The following CACNA2D1 variants were observed in gnomAD, a reference collection of about 807,000 sequenced individuals.
CACNA2D1 encodes voltage-dependent calcium channel subunit alpha-2/delta-1.
A neutral mutation model predicts 171.5 loss-of-function variants in CACNA2D1; 53 were observed. The ratio of observed to expected loss-of-function variants is 0.31; its 90% CI spans 0.25 to 0.39. The LOEUF (loss-of-function observed/expected upper bound fraction) is 0.39. CACNA2D1 is among the 10% of genes least tolerant of loss of function. The probability of loss-of-function intolerance (pLI) is 1.00; values close to 1 mark genes in which losing one functional copy is unlikely to be tolerated. For missense variants in CACNA2D1, 903 were observed against 1,299.8 expected (o/e 0.69, Z 4.69); for synonymous variants, 442 against 443.1 (o/e 1.00, Z 0.03).
chr7:82,146,315 T>C (rs1158875792), intron 4 of CACNA2D1, among the ~76,000 whole-genome samples: 2 of 147,580 alleles, frequency 1.4e-5, no homozygotes, highest in Admixed American at 1.4e-4. Context: ...TATATACGTG[T>C]GTGTGTGTGT....
intron 6 of CACNA2D1, among the ~76,000 whole-genome samples, chr7:82,107,259 AG>A (rs1787874602): frequency 6.6e-6 from 1 of 152,292 alleles, no homozygotes; most frequent in African/African-American, 2.4e-5. Flanking sequence ...AGGAATGGAC[AG>A]GAAGTTTTCA....
intron 10 of CACNA2D1, among the ~76,000 whole-genome samples, chr7:82,060,173 TATATA>T (rs1374931116): frequency 3.2e-5 from 1 of 31,436 alleles, no homozygotes; most frequent in South Asian, 1.1e-3. Context: ...ATAATATATA[TATATA>T]ATATATATAT....
intron 10 of CACNA2D1, chr7:82,050,558 A>G: frequency 1.4e-6 from 1 of 702,646 alleles, no homozygotes. Context: ...CCTCCCCTCC[A>G]GAGAGACACA....
chr7:82,223,949 C>T (rs1000008747), intron 3 of CACNA2D1, among the ~76,000 whole-genome samples: 2 of 152,170 alleles, frequency 1.3e-5, no homozygotes, highest in African/African-American at 2.4e-5. Context: ...CATCACCAGC[C>T]TCCTTGTGGT....
At chr7:82,279,613 C>G (rs1473223845) in intron 3 of CACNA2D1, among the ~76,000 whole-genome samples, 3 of 152,172 alleles carry the variant, frequency 2.0e-5, no homozygotes, top group Admixed American at 6.6e-5. Flanking sequence ...TAAAACTAAA[C>G]AGATTCCTTA....
intron 3 of CACNA2D1, among the ~76,000 whole-genome samples, chr7:82,214,120 A>T (rs1800855659): frequency 6.6e-6 from 1 of 151,378 alleles, no homozygotes; most frequent in Non-Finnish European, 1.5e-5. Flanking sequence ...GACCTAATCT[A>T]CTCCCAAAGG....
intron 1 of CACNA2D1, among the ~76,000 whole-genome samples, chr7:82,404,517 G>A (rs1455099762): frequency 1.3e-5 from 2 of 152,144 alleles, no homozygotes; most frequent in Non-Finnish European, 2.9e-5. Flanking sequence ...CTTCTGAGAT[G>A]GTTAAGAAGG....
chr7:82,147,687 T>C (rs1793304031), intron 4 of CACNA2D1, among the ~76,000 whole-genome samples: 1 of 152,194 alleles, frequency 6.6e-6, no homozygotes, highest in African/African-American at 2.4e-5. Context: ...AATGGTAATA[T>C]TAGCCCTTCC....
intron 3 of CACNA2D1, among the ~76,000 whole-genome samples, chr7:82,321,057 A>G (rs912584665): frequency 1.3e-5 from 2 of 151,670 alleles, no homozygotes; most frequent in Non-Finnish European, 2.9e-5. Context: ...AAGCACAGAC[A>G]TAAGTCAGAC....
chr7:82,441,663 A>T (rs1220288139), intron 1 of CACNA2D1, among the ~76,000 whole-genome samples: 1 of 152,190 alleles, frequency 6.6e-6, no homozygotes, highest in East Asian at 1.9e-4. Context: ...ATTTTGTTGT[A>T]GTTTTCCCCA....
intron 5 of CACNA2D1, 51 bp from the exon 6 acceptor site, chr7:82,117,224 A>C (rs535190251): frequency 6.4e-7 from 1 of 1,557,010 alleles, no homozygotes; most frequent in East Asian, 2.3e-5. Context: ...TAACATAAAT[A>C]TTTTCACATG....
intron 1 of CACNA2D1, among the ~76,000 whole-genome samples, chr7:82,399,344 G>A (rs1826091627): frequency 6.6e-6 from 1 of 151,794 alleles, no homozygotes; most frequent in Admixed American, 6.6e-5. Context: ...AGAGGCTCAG[G>A]CAGGAGAATC....
chr7:82,193,073 T>C (rs1798500278), intron 3 of CACNA2D1, among the ~76,000 whole-genome samples: 1 of 151,936 alleles, frequency 6.6e-6, no homozygotes, highest in Non-Finnish European at 1.5e-5. Flanking sequence ...CATTGGTAAG[T>C]GATGTGCTGT....
intron 12 of CACNA2D1, 139 bp downstream of exon 12, chr7:82,032,658 A>G (rs1802846826): frequency 1.7e-6 from 1 of 574,496 alleles, no homozygotes; most frequent in Non-Finnish European, 3.1e-6. Flanking sequence ...TTAGTTTATA[A>G]TCTATGATTC....
chr7:82,125,772 G>T (rs968204924), intron 5 of CACNA2D1, among the ~76,000 whole-genome samples: 1 of 152,084 alleles, frequency 6.6e-6, no homozygotes, highest in South Asian at 2.1e-4. Flanking sequence ...AATCTTCCCC[G>T]TTTGTGTTTG....
chr7:82,022,682 G>C (rs1420612144), intron 12 of CACNA2D1, among the ~76,000 whole-genome samples: 1 of 151,816 alleles, frequency 6.6e-6, no homozygotes, highest in Non-Finnish European at 1.5e-5. Context: ...TTGTAACTTG[G>C]TTTAGATTTT....
chr7:82,378,350 G>A (rs1315849291), intron 1 of CACNA2D1, among the ~76,000 whole-genome samples: 3 of 152,168 alleles, frequency 2.0e-5, no homozygotes, highest in Admixed American at 2.0e-4. Context: ...AGTGAACCGT[G>A]TTAGTGCCAC....
chr7:82,060,951 A>G (rs1806823236), intron 9 of CACNA2D1, among the ~76,000 whole-genome samples: 1 of 152,168 alleles, frequency 6.6e-6, no homozygotes, highest in Non-Finnish European at 1.5e-5. Context: ...AATTATGATA[A>G]CAGATTTGCA....
At chr7:82,266,168 A>G (rs554132231) in intron 3 of CACNA2D1, among the ~76,000 whole-genome samples, 1 of 152,324 alleles carries the variant, frequency 6.6e-6, no homozygotes, top group South Asian at 2.1e-4. Context: ...GGAAGATGAA[A>G]GAGAAACTGT....
Sources: gnomAD v4.1 joint callset for allele counts (sites outside exome capture counted in the v4.1 genomes callset) on GRCh38, gnomAD v4.1.1 for gene constraint, MANE v1.5 for transcripts, NCBI Gene and HGNC (gene_info 2026-07-23, HGNC 2026-07-21) for gene names.